The following CUX1 variants were observed in gnomAD, a reference collection of about 807,000 sequenced individuals.
The protein encoded by CUX1 is cut like homeobox 1.
A neutral mutation model predicts 158.8 loss-of-function variants in CUX1; 31 were observed. The observed-to-expected ratio is 0.20, with a 90% CI of 0.15 to 0.26. The LOEUF is 0.26. Among genes scored for constraint, CUX1 ranks in the 10% least tolerant of loss-of-function variants. CUX1 has a pLI of 1.00. For missense variants in CUX1, 1,589 were observed against 2,014.6 expected (o/e 0.79, Z 4.04); for synonymous variants, 879 against 862.1 (o/e 1.02, Z -0.34).
intron 2 of CUX1, among the ~76,000 whole-genome samples, chr7:101,986,715 G>A (rs1045397038): frequency 5.9e-5 from 9 of 152,338 alleles, no homozygotes; most frequent in African/African-American, 1.7e-4. Flanking sequence ...GTTTGGAGAC[G>A]AGAGGAAATG....
intron 7 of CUX1, among the ~76,000 whole-genome samples, chr7:102,112,748 T>G (rs953687355): frequency 6.6e-6 from 1 of 152,000 alleles, no homozygotes; most frequent in African/African-American, 2.4e-5. Flanking sequence ...TTTTTGTGTT[T>G]TTAGTAGAGA....
At chr7:101,880,399 C>T (rs1799591583) in intron 1 of CUX1, among the ~76,000 whole-genome samples, 1 of 152,124 alleles carries the variant, frequency 6.6e-6, no homozygotes, top group African/African-American at 2.4e-5. Flanking sequence ...TCCTTATCAC[C>T]CGTTCCCCAG....
At chr7:102,028,482 CT>C (rs1820321056) in intron 3 of CUX1, among the ~76,000 whole-genome samples, 1 of 152,198 alleles carries the variant, frequency 6.6e-6, no homozygotes. Flanking sequence ...CCTTGTCCCC[CT>C]GAGCTGGTCT....
intron 22 of CUX1, among the ~76,000 whole-genome samples, chr7:102,237,255 G>T (rs1025419450): frequency 1.3e-5 from 2 of 152,214 alleles, no homozygotes; most frequent in African/African-American, 4.8e-5. Context: ...TAGAGACAGG[G>T]TCTCTGTTGC....
chr7:102,077,952 T>C lies in CUX1; in HGVS notation c.268+7535T>C, dbSNP rs370172443. 1.8e-4 allele frequency among the ~76,000 whole-genome samples: 27 copies of C among 152,340 alleles called. No homozygotes were observed. The South Asian group carries it at 2.3e-3, about 13-fold the overall frequency. ...AACATAAATTAGTAAAATATTCAAC[T>C]TGCAATCTTAGTTTCTGAATAGGCC... On this transcript the variant is annotated intron_variant, in intron 4 of 23. Coordinates refer to ENST00000292535, the MANE Select transcript of CUX1 (RefSeq NM_181552.4).
rs543775562 is a variant in CUX1, at chr7:102,032,182, G to C, written c.189+4037G>C. Among the ~76,000 whole-genome samples, 30 of 152,032 alleles carry C rather than the reference G, an allele frequency of 2.0e-4. 1 individual carries two copies. In the East Asian group the frequency reaches 5.8e-3, roughly 30 times the overall value. On this transcript the variant is annotated intron_variant, in intron 3 of 23. Coordinates refer to ENST00000292535, the MANE Select transcript of CUX1 (RefSeq NM_181552.4). ...GAGCTCCAGTGATCCGCCCGCCTCA[G>C]CCTCCCAGAGGGCTGGGATTACAGG...
At chr7:102,093,618 G>C (rs916451848) in intron 4 of CUX1, among the ~76,000 whole-genome samples, 1 of 152,180 alleles carries the variant, frequency 6.6e-6, no homozygotes, top group South Asian at 2.1e-4. Flanking sequence ...GCCTCTGACT[G>C]TAATGGCTGG....
At chr7:101,985,742 A>G (rs968072844) in intron 2 of CUX1, among the ~76,000 whole-genome samples, 1 of 152,164 alleles carries the variant, frequency 6.6e-6, no homozygotes, top group Non-Finnish European at 1.5e-5. Context: ...CTAACACAAC[A>G]CTGAGCCCAG....
rs112259714 is a variant in CUX1 at position 102,188,397 on chromosome 7, G to A, written c.1018-1416G>A. On this transcript the variant is annotated intron_variant, in intron 11 of 23. Coordinates refer to ENST00000292535, the MANE Select transcript of CUX1 (RefSeq NM_181552.4). Reference sequence around the variant, plus strand: ...CATTTCCTCCAAGGAGCTCCCTTTAGAAAAGATCAAAAGCAAACTAGTCCA... The same window carrying A: ...CATTTCCTCCAAGGAGCTCCCTTTAAAAAAGATCAAAAGCAAACTAGTCCA... Among the ~76,000 whole-genome samples, 434 of 152,140 alleles carry A rather than the reference G, an allele frequency of 2.9e-3. 5 individuals are homozygous for A. The highest frequency in any genetic ancestry group is 1.0e-2 in the African/African-American group (415 of 41,504).
chr7:102,082,342 C>A (rs532987154), intron 4 of CUX1, among the ~76,000 whole-genome samples: 1 of 146,710 alleles, frequency 6.8e-6, no homozygotes, highest in South Asian at 2.2e-4. Context: ...GCCTGGCCAA[C>A]ATGGTGAAAC....
rs1223921858 is a variant in CUX1, at chr7:102,045,043, G to A, written c.189+16898G>A. Among the ~76,000 whole-genome samples the A allele has an allele frequency of 5.9e-5, 9 of 152,268 alleles. No homozygotes were observed. In the East Asian group the frequency reaches 1.7e-3, roughly 29 times the overall value. ...CCGTGGTGGTCACTGTGGTGATGTGGCTGCTGTACTGTCATTATCTTATGG... is the reference window on the plus strand; with the variant it reads ...CCGTGGTGGTCACTGTGGTGATGTGACTGCTGTACTGTCATTATCTTATGG... On this transcript the variant is annotated intron_variant, in intron 3 of 23. Transcript: ENST00000292535.
At chr7:102,223,863 G>C (rs1222090042) in intron 20 of CUX1, among the ~76,000 whole-genome samples, 1 of 152,104 alleles carries the variant, frequency 6.6e-6, no homozygotes, top group Non-Finnish European at 1.5e-5. Flanking sequence ...CAGCTACTCG[G>C]GAGGCAGAGG....
intron 20 of CUX1, among the ~76,000 whole-genome samples, chr7:102,208,531 G>T (rs577536192): frequency 6.6e-6 from 1 of 152,318 alleles, no homozygotes; most frequent in African/African-American, 2.4e-5. Flanking sequence ...ATGAGCCACC[G>T]TGCCCCACCT....
In CUX1 at chr7:102,017,429, TCTC is replaced by T. The variant is rs139067581; in HGVS notation, c.142-10665_142-10663del. Among the ~76,000 whole-genome samples, 852 of 151,696 alleles carry T rather than the reference TCTC, an allele frequency of 5.6e-3. 10 individuals are homozygous for T. The highest frequency in any genetic ancestry group is 0.02 in the African/African-American group (820 of 41,310). On this transcript the variant is annotated intron_variant, in intron 2 of 23. Coordinates refer to ENST00000292535, the MANE Select transcript of CUX1 (RefSeq NM_181552.4). ...CAGGAATAGAACGGAGGAATGTACA[TCTC>T]CTCAAATGTCTCCTAGAAATTGAGA... is the stretch of plus-strand genomic sequence containing the variant.
intron 1 of CUX1, among the ~76,000 whole-genome samples, chr7:101,854,579 C>T (rs555083840): frequency 3.9e-5 from 6 of 152,092 alleles, no homozygotes; most frequent in Non-Finnish European, 8.8e-5. Flanking sequence ...CACTGCTCAG[C>T]CAGTGGGGGC....
At chr7:101,964,263 G>T (rs972781813) in intron 2 of CUX1, among the ~76,000 whole-genome samples, 5 of 152,078 alleles carry the variant, frequency 3.3e-5, no homozygotes, top group African/African-American at 1.2e-4. Context: ...TGAGGCAGGA[G>T]AATTGCTTGA....
intron 1 of CUX1, among the ~76,000 whole-genome samples, chr7:101,871,321 C>CTT (rs34207946): frequency 1.3e-4 from 19 of 146,860 alleles, no homozygotes; most frequent in East Asian, 6.0e-4. Flanking sequence ...AAAAAAAAGC[C>CTT]TTTTTTTTTT....
exon 15 of CUX1, chr7:102,273,412 A>AGGG (rs1791371261): frequency 6.2e-7 from 1 of 1,612,856 alleles, no homozygotes; most frequent in Admixed American, 1.7e-5. Flanking sequence ...CTGTGGCCAC[A>AGGG]GCCACTGAGC....
At chr7:101,944,950 G>A (rs1808198848) in intron 2 of CUX1, among the ~76,000 whole-genome samples, 1 of 152,192 alleles carries the variant, frequency 6.6e-6, no homozygotes, top group Non-Finnish European at 1.5e-5. Flanking sequence ...GCCTGGGGAT[G>A]AAGCTGCTTC....
Sources: gnomAD v4.1 joint callset for allele counts (sites outside exome capture counted in the v4.1 genomes callset) on GRCh38, gnomAD v4.1.1 for gene constraint, MANE v1.5 for transcripts, NCBI Gene and HGNC (gene_info 2026-07-23, HGNC 2026-07-21) for gene names.